CDH7: variants seen among roughly 807,000 people sequenced by gnomAD.
The protein encoded by CDH7 is cadherin-7.
Under a neutral mutation model 71.8 loss-of-function variants are expected in CDH7, and 25 were observed. That is an observed-to-expected ratio of 0.35 (90% CI 0.25 to 0.49). CDH7 has a LOEUF of 0.49. Ranked by LOEUF, CDH7 falls within the 20% of genes least tolerant of loss-of-function variation. The probability of loss-of-function intolerance (pLI) is 0.99; values close to 1 mark genes in which losing one functional copy is unlikely to be tolerated. For synonymous variants in CDH7, 381 were observed against 363.8 expected, an observed-to-expected ratio of 1.05 and a Z score of -0.54; for missense variants, 862 against 974.6, an observed-to-expected ratio of 0.88 and a Z score of 1.54.
At chr18:65,775,734 G>T (rs1909914524) in intron 2 of CDH7, among the ~76,000 whole-genome samples, 1 of 152,134 alleles carries the variant, frequency 6.6e-6, no homozygotes. Context: ...GCCATCCTGG[G>T]CTGCATGTAG....
At chr18:65,778,133 G>C (rs975894594) in intron 2 of CDH7, among the ~76,000 whole-genome samples, 1 of 151,876 alleles carries the variant, frequency 6.6e-6, no homozygotes, top group South Asian at 2.1e-4. Flanking sequence ...TTAGCTGGGC[G>C]TGGTGACACG....
In CDH7 at chr18:65,816,224, G is replaced by A. The variant is rs563916274; in HGVS notation, c.625+1620G>A. Among the ~76,000 whole-genome samples, 13 of 152,014 alleles carry A rather than the reference G, an allele frequency of 8.6e-5. 1 individual carries two copies. In the South Asian group the frequency reaches 2.7e-3, roughly 32 times the overall value. On this transcript the variant is annotated intron_variant, in intron 4 of 11. Transcript: ENST00000397968. The stretch of plus-strand genomic sequence containing the variant: ...TTTTAATGCTGTAATTATGGTAATC[G>A]CTGGAACTTCTTTTTACATGGTCAT...
intron 7 of CDH7, among the ~76,000 whole-genome samples, chr18:65,850,580 T>TTTA (rs138534553): frequency 0.012 from 1,732 of 147,768 alleles, 34 homozygotes; most frequent in African/African-American, 0.041. Context: ...CTGCAGAGGT[T>TTTA]TTATTATTAT....
chr18:65,804,274 A>G (rs905555305), intron 2 of CDH7, among the ~76,000 whole-genome samples: 55 of 152,108 alleles, frequency 3.6e-4, no homozygotes, highest in African/African-American at 1.3e-3. Context: ...TAGTGGTCAC[A>G]ATTATGCAAG....
intron 6 of CDH7, among the ~76,000 whole-genome samples, chr18:65,840,984 A>G (rs777401191): frequency 2.0e-5 from 3 of 152,146 alleles, no homozygotes; most frequent in African/African-American, 4.8e-5. Context: ...GAAGTCATAT[A>G]AAAAGTAAAT....
At chr18:65,777,243 T>C (rs1465003365) in intron 2 of CDH7, among the ~76,000 whole-genome samples, 1 of 152,132 alleles carries the variant, frequency 6.6e-6, no homozygotes, top group Non-Finnish European at 1.5e-5. Context: ...CTGAAGGAAA[T>C]GTGAAGACGA....
chr18:65,854,701 G>C (rs1157077550), intron 7 of CDH7, among the ~76,000 whole-genome samples: 2 of 151,934 alleles, frequency 1.3e-5, no homozygotes, highest in Non-Finnish European at 2.9e-5. Context: ...CATTATCTCA[G>C]TTATTAACTT....
intron 3 of CDH7, 70 bp from the exon 4 acceptor site, chr18:65,814,415 C>T (rs1911649563): frequency 6.5e-7 from 1 of 1,544,370 alleles, no homozygotes; most frequent in Admixed American, 1.7e-5. Flanking sequence ...GAATCAGTAA[C>T]ATTTTGTACG....
chr18:65,782,120 T>TTCTTTCTTTCTC (rs1910314186), intron 2 of CDH7, among the ~76,000 whole-genome samples: 3 of 48,094 alleles, frequency 6.2e-5, no homozygotes, highest in South Asian at 1.8e-3. Context: ...CTTTCTTTCT[T>TTCTTTCTTTCTC]TCTTTCTTTC....
chr18:65,858,889 A>G (rs750355372), intron 8 of CDH7, 36 bp from the exon 9 acceptor site: 1 of 1,595,356 alleles, frequency 6.3e-7, no homozygotes, highest in Non-Finnish European at 8.6e-7. Flanking sequence ...TTAGATGGGC[A>G]AAGAGTAAAT....
intron 2 of CDH7, among the ~76,000 whole-genome samples, chr18:65,781,558 G>T (rs1392932148): frequency 1.3e-5 from 2 of 152,012 alleles, no homozygotes; most frequent in African/African-American, 4.8e-5. Context: ...ATTTTAAAAG[G>T]CTACATTGTT....
At chr18:65,805,673 G>C (rs977601513) in intron 2 of CDH7, among the ~76,000 whole-genome samples, 1 of 152,312 alleles carries the variant, frequency 6.6e-6, no homozygotes, top group East Asian at 1.9e-4. Flanking sequence ...GCCACAATTG[G>C]CTGGACCATC....
chr18:65,813,422 A>G (rs947938603), intron 3 of CDH7, among the ~76,000 whole-genome samples: 37 of 152,232 alleles, frequency 2.4e-4, no homozygotes, highest in African/African-American at 8.4e-4. Flanking sequence ...AATTTTAAAG[A>G]AAATGGAATT....
chr18:65,866,045 A>AG lies in CDH7; in HGVS notation c.1864+3128_1864+3129insG, dbSNP rs1428529726. 3.4e-5 allele frequency: 2 copies of AG among 58,148 alleles called. 1 individual carries two copies. Among genetic ancestry groups the AG allele is most frequent in the African/African-American group, 1.2e-4 (2 of 16,986 alleles). 3.6% of individuals were successfully genotyped at this position (58,148 alleles called of 1,614,324 possible). A position where few individuals can be genotyped will look rare whatever the true frequency, so the allele number is the denominator to read the frequency against. On this transcript the variant is annotated intron_variant, in intron 11 of 11. Transcript: ENST00000397968. ...CCGGGCGCGGTGGCTCACGCCTGTA[A>AG]TCCCAGCACTTTGGGAGGCCGAGGC...
intron 1 of CDH7, among the ~76,000 whole-genome samples, chr18:65,752,539 C>T (rs560996423): frequency 2.0e-5 from 3 of 152,238 alleles, no homozygotes; most frequent in South Asian, 4.2e-4. Flanking sequence ...TTTGGTTTAC[C>T]TAGGATATTT....
intron 6 of CDH7, among the ~76,000 whole-genome samples, chr18:65,832,577 G>T (rs140460808): frequency 7.9e-5 from 12 of 152,024 alleles, no homozygotes; most frequent in Admixed American, 7.9e-4. Context: ...TAAAAATGAT[G>T]ATGAAATTTT....
rs1169422811 is a variant in CDH7 at position 65,781,880 on chromosome 18, GTCTC to G, written c.210+18838_210+18841del. 2.8e-3 allele frequency among the ~76,000 whole-genome samples: 72 copies of G among 25,938 alleles called. 14 individuals carry two copies. In the East Asian group the frequency reaches 0.03, roughly 11 times the overall value. 17.0% of individuals were successfully genotyped at this position (25,938 alleles called of 152,430 possible). On this transcript the variant is annotated intron_variant, in intron 2 of 11. Transcript: ENST00000397968. ...TTTCTTTCTTTCTCTCTCTCTCTCT[GTCTC>G]TCTCTCTCTTTCTCTCTATCTTTCT...
At chr18:65,794,128 G>T (rs1161369283) in intron 2 of CDH7, among the ~76,000 whole-genome samples, 1 of 151,654 alleles carries the variant, frequency 6.6e-6, no homozygotes, top group East Asian at 1.9e-4. Context: ...GCAAAATCAG[G>T]ATACTTGTTA....
chr18:65,793,908 G>A (rs1910809333), intron 2 of CDH7, among the ~76,000 whole-genome samples: 2 of 152,096 alleles, frequency 1.3e-5, no homozygotes, highest in South Asian at 2.1e-4. Context: ...GATGAGTGCA[G>A]AATATGAATA....
Sources: allele counts gnomAD v4.1 joint callset (sites outside exome capture counted in the v4.1 genomes callset), GRCh38; gene constraint gnomAD v4.1.1; transcripts MANE v1.5; gene names NCBI Gene and HGNC (gene_info 2026-07-23, HGNC 2026-07-21).